Variants in ZNF460 observed in about 807,000 individuals in gnomAD.
ZNF460 encodes zinc finger protein 272.
ZNF460 carries 1 observed loss-of-function variant against 8.4 expected under a neutral mutation model. That is an observed-to-expected ratio of 0.12 (90% CI 0.04 to 0.56). The LOEUF (loss-of-function observed/expected upper bound fraction) is 0.56. ZNF460 is among the 20% of genes least tolerant of loss of function. The pLI is 0.91. For synonymous variants in ZNF460, 262 were observed against 259.9 expected (o/e 1.01, Z -0.08); for missense variants, 477 against 714.8 (o/e 0.67, Z 3.79).
rs369656885 is a variant in ZNF460, at chr19:57,283,995, A to G, written c.31-556A>G. ...TACCATGGCATGTAAACCTGTCAGC[A>G]TGAGGCAGGCACACAGGGAGGATTG... On this transcript the variant is annotated intron_variant, in intron 1 of 2. Coordinates refer to ENST00000360338, the MANE Select transcript of ZNF460 (RefSeq NM_006635.4). Among the ~76,000 whole-genome samples the G allele has an allele frequency of 1.2e-3, 177 of 152,230 alleles. 1 individual carries two copies. Among genetic ancestry groups the G allele is most frequent in the African/African-American group, 4.1e-3 (170 of 41,560 alleles).
chr19:57,280,695 T>G lies in ZNF460; in HGVS notation c.-112T>G. On this transcript the variant is annotated 5_prime_UTR_variant, in exon 1 of 3. Transcript: ENST00000360338. ...AGCCCCGACGCTGCGCCTTGGGCCT[T>G]GTGCGCATTTTTTTCGGGGGAAAAC... is the stretch of plus-strand genomic sequence containing the variant. 7.5e-6 allele frequency: 11 copies of G among 1,469,426 alleles called. No individual in the cohort carries two copies. The highest frequency in any genetic ancestry group is 1.4e-5 in the African/African-American group (1 of 71,800). The allele number at this position is 1,469,426 out of a possible 1,614,324, so 91.0% of individuals were successfully genotyped here. A position where few individuals can be genotyped will look rare whatever the true frequency, so the allele number is the denominator to read the frequency against.
Position 57,289,960 on chromosome 19 carries a change from G to T in ZNF460, c.158-739G>T, listed in dbSNP as rs550194724. On this transcript the variant is annotated intron_variant, in intron 2 of 2. Coordinates refer to ENST00000360338, the MANE Select transcript of ZNF460 (RefSeq NM_006635.4). The stretch of plus-strand genomic sequence containing the variant: ...GTTCTAGACCAGTCTGGCCAACATG[G>T]TGAGACCTCATCTGTAAAAATACAA... Among the ~76,000 whole-genome samples the T allele has an allele frequency of 1.0e-3, 154 of 151,998 alleles. 1 individual carries two copies. The highest frequency in any genetic ancestry group is 1.7e-3 in the Non-Finnish European group (114 of 67,976).
Position 57,292,875 on chromosome 19 carries a change from A to G in ZNF460, c.*645A>G, listed in dbSNP as rs1210082430. 6.6e-6 allele frequency: 1 copy of G among 152,306 alleles called. No homozygotes were observed. Among genetic ancestry groups the G allele is most frequent in the African/African-American group, 2.4e-5 (1 of 41,460 alleles). The allele number at this position is 152,306 out of a possible 1,614,324, so 9.4% of individuals were successfully genotyped here. On this transcript the variant is annotated 3_prime_UTR_variant, in exon 3 of 3. Coordinates refer to ENST00000360338, the MANE Select transcript of ZNF460 (RefSeq NM_006635.4). Reference sequence around the variant, plus strand: ...AGAAGCATATATCTTTATGAGAAAGATGGAGGCTTGAGTTATGAAATACTT... The same window carrying G: ...AGAAGCATATATCTTTATGAGAAAGGTGGAGGCTTGAGTTATGAAATACTT...
Position 57,293,554 on chromosome 19 carries a change from A to T in ZNF460, c.*1324A>T, listed in dbSNP as rs1312640819. The T allele has an allele frequency of 1.3e-5, 2 of 152,214 alleles. No individual in the cohort carries two copies. Among genetic ancestry groups the T allele is most frequent in the Non-Finnish European group, 2.9e-5 (2 of 68,032 alleles). The allele number at this position is 152,214 out of a possible 1,614,324, so 9.4% of individuals were successfully genotyped here. On this transcript the variant is annotated 3_prime_UTR_variant, in exon 3 of 3. Transcript: ENST00000360338. ...TGTGATATTTCAATACATGTGTGCT[A>T]AGAGTAATGATCAAATCAGGGTAAT...
At chr19:57,279,987 T>G (rs989482012), upstream of ZNF460, 1 of 152,294 alleles carries the variant, frequency 6.6e-6, no homozygotes, top group Non-Finnish European at 1.5e-5. Context: ...GGTCTGTCCT[T>G]TCCCAGCAGG....
At chr19:57,282,249 G>A (rs2087845811) in intron 1 of ZNF460, among the ~76,000 whole-genome samples, 1 of 152,108 alleles carries the variant, frequency 6.6e-6, no homozygotes, top group African/African-American at 2.4e-5. Context: ...ATTCTGAGAG[G>A]GCACGTTTGT....
chr19:57,287,389 A>G (rs557678924), intron 2 of ZNF460, among the ~76,000 whole-genome samples: 30 of 152,320 alleles, frequency 2.0e-4, no homozygotes, highest in Middle Eastern at 6.8e-3. Flanking sequence ...GGATGTAAAT[A>G]CTGATTTCTG....
intron 1 of ZNF460, chr19:57,281,977 ACAT>A (rs1356717178): frequency 6.6e-6 from 1 of 152,226 alleles, no homozygotes; most frequent in Non-Finnish European, 1.5e-5. Flanking sequence ...GGTGTGTCTA[ACAT>A]CATAGCCTGT....
chr19:57,284,811 C>CTTT, intron 2 of ZNF460, 134 bp downstream of exon 2: 2 of 805,764 alleles, frequency 2.5e-6, no homozygotes, highest in Non-Finnish European at 3.3e-6. Context: ...AAGCTTTACT[C>CTTT]TATTTTTTTT....
In ZNF460 at chr19:57,284,566, G is replaced by A. The variant is rs770325023; in HGVS notation, c.46G>A (p.Glu16Lys). The part of the protein sequence containing the change: ...MAPAQESVTF[E>K]DVAVTFTQEE... ...GACTTTTCAGGAGTCTGTGACCTTC[G>A]AGGATGTGGCTGTGACATTTACCCA... Residue 16 changes from glutamate (E) to lysine (K), a missense_variant, in exon 2 of 3, where the codon GAG (glutamate) becomes AAG (lysine). Glu to Lys is a moderately conservative substitution (Grantham distance 56, BLOSUM62 1). Coordinates refer to ENST00000360338, the MANE Select transcript of ZNF460 (RefSeq NM_006635.4). 3 of 1,612,672 alleles carry A rather than the reference G, an allele frequency of 1.9e-6. No individual in the cohort carries two copies. The highest frequency in any genetic ancestry group is 1.1e-5 in the South Asian group (1 of 90,990).
intron 2 of ZNF460, among the ~76,000 whole-genome samples, chr19:57,289,791 C>T (rs1235707150): frequency 6.6e-6 from 1 of 152,008 alleles, no homozygotes; most frequent in Non-Finnish European, 1.5e-5. Flanking sequence ...TACTTGAGCC[C>T]AGGAGTTCGA....
chr19:57,285,494 C>T (rs1190735798), intron 2 of ZNF460, among the ~76,000 whole-genome samples: 1 of 152,188 alleles, frequency 6.6e-6, no homozygotes, highest in African/African-American at 2.4e-5. Flanking sequence ...ACTTAATTCT[C>T]CCAGCATCCC....
At chr19:57,283,101 G>A (rs1287628261) in intron 1 of ZNF460, among the ~76,000 whole-genome samples, 2 of 151,554 alleles carry the variant, frequency 1.3e-5, no homozygotes, top group African/African-American at 2.4e-5. Context: ...TAGAGATGAT[G>A]ATGGTAAATT....
intron 1 of ZNF460, among the ~76,000 whole-genome samples, chr19:57,283,229 GT>G (rs1254143081): frequency 1.3e-5 from 2 of 151,718 alleles, no homozygotes. Context: ...GAGTTCAGTG[GT>G]GCGATCTCGG....
At chr19:57,281,046 T>G (rs561684962) in intron 1 of ZNF460, among the ~76,000 whole-genome samples, 1 of 152,180 alleles carries the variant, frequency 6.6e-6, no homozygotes, top group South Asian at 2.1e-4. Context: ...GGAGTGATGC[T>G]TCCTTCTAGG....
Position 57,292,002 on chromosome 19 carries a change from C to T in ZNF460, c.1461C>T (p.Arg487=), listed in dbSNP as rs1440309244. The T allele has an allele frequency of 6.2e-7, 1 of 1,614,152 alleles. No individual in the cohort carries two copies. The highest frequency in any genetic ancestry group is 8.5e-7 in the Non-Finnish European group (1 of 1,180,016). ...TGGAGTGCGGGAAGGCCTTCAACCGCAGGTCACCCCTCACAAGGCACCAGC... is the reference window on the plus strand; with the variant it reads ...TGGAGTGCGGGAAGGCCTTCAACCGTAGGTCACCCCTCACAAGGCACCAGC... ...ECVECGKAFN[R]RSPLTRHQRI... Residue 487 remains arginine, a synonymous_variant, in exon 3 of 3, where the codon CGC becomes CGT. Coordinates refer to ENST00000360338, the MANE Select transcript of ZNF460 (RefSeq NM_006635.4).
chr19:57,284,107 A>G (rs1001224352), intron 1 of ZNF460, among the ~76,000 whole-genome samples: 4 of 152,086 alleles, frequency 2.6e-5, no homozygotes, highest in African/African-American at 9.7e-5. Context: ...ATGTCAGAGC[A>G]CTTACTGTCT....
In ZNF460 at chr19:57,284,666, T is replaced by C; in HGVS notation, c.146T>C (p.Leu49Pro). The C allele has an allele frequency of 6.2e-7, 1 of 1,611,028 alleles. No homozygotes were observed. Among genetic ancestry groups the C allele is most frequent in the Non-Finnish European group, 8.5e-7 (1 of 1,178,524 alleles). ...GTGATGCTGGAGACCTGTGGGCTTC[T>C]GGTCGCACTGGGTAAGGCCTGTCCT... ...VEVMLETCGL[L>P]VALGDSTKPE... Residue 49 changes from leucine to proline, a missense_variant, in exon 2 of 3, where the codon CTG becomes CCG. Transcript: ENST00000360338.
chr19:57,291,450 T>G lies in ZNF460; in HGVS notation c.909T>G (p.Asn303Lys). 6.2e-7 allele frequency: 1 copy of G among 1,613,978 alleles called. No individual in the cohort carries two copies. The highest frequency in any genetic ancestry group is 8.5e-7 in the Non-Finnish European group (1 of 1,179,912). ...TTGTCTTGCATAACAAGAGCCACAATGAGAAGAAACCCTTCGCATGCAGCG... is the reference window on the plus strand; with the variant it reads ...TTGTCTTGCATAACAAGAGCCACAAGGAGAAGAAACCCTTCGCATGCAGCG... ...SNFVLHNKSH[N>K]EKKPFACSEC... is the part of the protein sequence containing the mutation. The change falls in exon 3 of 3, where the codon AAT becomes AAG. Residue 303 changes from asparagine to lysine, a missense_variant. This residue lies in a region of ZNF460 where 193 missense variants were observed against 391.7 expected (regional missense o/e 0.49). Transcript: ENST00000360338. The surrounding 1 kb of genome is among the most constrained non-coding windows in gnomAD (Gnocchi z 8.4).
Sources: gnomAD v4.1 joint callset for allele counts (sites outside exome capture counted in the v4.1 genomes callset) on GRCh38, gnomAD v4.1.1 for gene constraint, gnomAD v4.1.1 regional missense constraint, Gnocchi (gnomAD v3.1) non-coding constraint, MANE v1.5 for transcripts, NCBI Gene and HGNC (gene_info 2026-07-23, HGNC 2026-07-21) for gene names.